Variants in SGCZ observed in about 807,000 individuals in gnomAD.
SGCZ encodes the protein zeta-sarcoglycan.
A neutral mutation model predicts 41.3 loss-of-function variants in SGCZ; 40 were observed. The observed-to-expected ratio is 0.97, with a 90% CI of 0.75 to 1.26. The LOEUF is 1.26. Among genes scored for constraint, SGCZ ranks in the 50% most tolerant of loss-of-function variants. SGCZ has a pLI of 0.00. For synonymous variants in SGCZ, 206 were observed against 137.5 expected (o/e 1.50, Z -3.49); for missense variants, 552 against 369.8 (o/e 1.49, Z -4.04).
In SGCZ at chr8:15,175,257, A is replaced by C. The variant is rs192678193; in HGVS notation, c.39+62328T>G. Among the ~76,000 whole-genome samples, 130 of 152,318 alleles carry C rather than the reference A, an allele frequency of 8.5e-4. 2 individuals are homozygous for C. Among genetic ancestry groups the C allele is most frequent in the Admixed American group, 1.2e-3 (18 of 15,298 alleles). On this transcript the variant is annotated intron_variant, in intron 1 of 7. Transcript: ENST00000382080. ...TTGTGTTCACTGCAGCACTATTCACAATAGCAAAAACATGGAATCAACCCA... is the reference window on the plus strand; with the variant it reads ...TTGTGTTCACTGCAGCACTATTCACCATAGCAAAAACATGGAATCAACCCA...
intron 2 of SGCZ, among the ~76,000 whole-genome samples, chr8:14,492,384 T>C (rs1801865854): frequency 6.6e-6 from 1 of 152,182 alleles, no homozygotes; most frequent in Non-Finnish European, 1.5e-5. Context: ...AGTTAATTAC[T>C]GCACAGTGCT....
At chr8:14,411,341 G>C (rs750971136) in intron 2 of SGCZ, among the ~76,000 whole-genome samples, 19 of 152,196 alleles carry the variant, frequency 1.2e-4, no homozygotes, top group East Asian at 1.9e-4. Context: ...ATTGTTTTTA[G>C]TCATCAGATA....
chr8:14,602,291 A>G (rs1200534426), intron 1 of SGCZ, among the ~76,000 whole-genome samples: 3 of 152,088 alleles, frequency 2.0e-5, no homozygotes, highest in African/African-American at 7.2e-5. Flanking sequence ...TAGGAATTTG[A>G]GTTGTATTTA....
chr8:14,815,681 C>A (rs1479613515), intron 1 of SGCZ, among the ~76,000 whole-genome samples: 1 of 152,142 alleles, frequency 6.6e-6, no homozygotes, highest in Non-Finnish European at 1.5e-5. Context: ...GCAGTGTGAA[C>A]AACTATTCCA....
chr8:14,958,653 T>C (rs1200647804), intron 1 of SGCZ, among the ~76,000 whole-genome samples: 3 of 152,090 alleles, frequency 2.0e-5, no homozygotes, highest in Non-Finnish European at 2.9e-5. Context: ...ACTAGTTGTG[T>C]GCATTTGCAC....
At position 14,997,707 on chromosome 8, in the gene SGCZ, C is replaced by T. The variant is rs372845201; in HGVS notation, c.39+239878G>A. On this transcript the variant is annotated intron_variant, in intron 1 of 7. Coordinates refer to ENST00000382080, the MANE Select transcript of SGCZ (RefSeq NM_139167.4). ...GGGTGCAGTGGCTCACACCCATAAT[C>T]CCAGCACTTTTGGAGGCCAAGGCAG... 1.1e-4 allele frequency among the ~76,000 whole-genome samples: 16 copies of T among 152,282 alleles called. No homozygotes were observed. The South Asian group carries it at 3.3e-3, about 32-fold the overall frequency.
At chr8:14,724,579 T>A (rs756417669) in intron 1 of SGCZ, among the ~76,000 whole-genome samples, 31 of 151,854 alleles carry the variant, frequency 2.0e-4, no homozygotes, top group Non-Finnish European at 3.5e-4. Context: ...TTGAAATTCA[T>A]TTGTATTATT....
In SGCZ at chr8:14,619,027, C is replaced by A. The variant is rs555353717; in HGVS notation, c.40-64101G>T. 2.6e-5 allele frequency among the ~76,000 whole-genome samples: 4 copies of A among 152,158 alleles called. No homozygotes were observed. In the South Asian group the frequency reaches 8.3e-4, roughly 32 times the overall value. On this transcript the variant is annotated intron_variant, in intron 1 of 7. Coordinates refer to ENST00000382080, the MANE Select transcript of SGCZ (RefSeq NM_139167.4). Reference sequence around the variant, plus strand: ...CACATGAACCTGGAGATCAACAGGGCAATATGTTGGTATACTCTATATATT... The same window carrying A: ...CACATGAACCTGGAGATCAACAGGGAAATATGTTGGTATACTCTATATATT...
At chr8:14,968,843 T>A (rs1286237264) in intron 1 of SGCZ, among the ~76,000 whole-genome samples, 1 of 152,156 alleles carries the variant, frequency 6.6e-6, no homozygotes, top group Non-Finnish European at 1.5e-5. Flanking sequence ...CCAAGGCTTT[T>A]ACATTTTATG....
chr8:14,851,202 T>C (rs1803309052), intron 1 of SGCZ, among the ~76,000 whole-genome samples: 1 of 151,494 alleles, frequency 6.6e-6, no homozygotes, highest in South Asian at 2.1e-4. Context: ...ACGCTGTCTT[T>C]ACTAAAAATA....
At chr8:14,691,447 C>A (rs941760827) in intron 1 of SGCZ, among the ~76,000 whole-genome samples, 1 of 151,930 alleles carries the variant, frequency 6.6e-6, no homozygotes, top group Admixed American at 6.6e-5. Context: ...GATGACCTAG[C>A]GTGGGTATTT....
chr8:14,412,704 A>C (rs1161227824), intron 2 of SGCZ, among the ~76,000 whole-genome samples: 1 of 152,032 alleles, frequency 6.6e-6, no homozygotes, highest in Admixed American at 6.6e-5. Flanking sequence ...ATCTCTCACA[A>C]GGGCTAATGT....
intron 1 of SGCZ, among the ~76,000 whole-genome samples, chr8:14,744,532 T>C (rs988463939): frequency 6.6e-6 from 1 of 152,116 alleles, no homozygotes; most frequent in Non-Finnish European, 1.5e-5. Context: ...TGAATTTATT[T>C]AGAAATAAAA....
At chr8:14,541,591 T>C (rs1803470443) in intron 2 of SGCZ, among the ~76,000 whole-genome samples, 1 of 151,946 alleles carries the variant, frequency 6.6e-6, no homozygotes, top group Non-Finnish European at 1.5e-5. Flanking sequence ...GTAATAAACA[T>C]ATGTGTACAT....
Position 14,129,867 on chromosome 8 carries a change from T to C in SGCZ, c.548-21632A>G, listed in dbSNP as rs548188826. The stretch of plus-strand genomic sequence containing the variant: ...CAGAAGTAACTGGAAACACATAACA[T>C]GTCCATAGGTAAGAAGATTTAATAT... On this transcript the variant is annotated intron_variant, in intron 5 of 7. Coordinates refer to ENST00000382080, the MANE Select transcript of SGCZ (RefSeq NM_139167.4). Among the ~76,000 whole-genome samples, 37 of 152,266 alleles carry C rather than the reference T, an allele frequency of 2.4e-4. No homozygotes were observed. In the East Asian group the frequency reaches 6.8e-3, roughly 28 times the overall value.
In SGCZ at chr8:14,376,317, A is replaced by G. The variant is rs547848791; in HGVS notation, c.235-52113T>C. Among the ~76,000 whole-genome samples the G allele has an allele frequency of 3.3e-4, 50 of 151,646 alleles. 1 individual carries two copies. The highest frequency in any genetic ancestry group is 3.2e-3 in the Admixed American group (48 of 15,232). On this transcript the variant is annotated intron_variant, in intron 2 of 7. Transcript: ENST00000382080. Reference sequence around the variant, plus strand: ...CAGAGCGGGACTCAATCTCAAAAAAATAAAATAAAATAAAAAATAAAATAA... The same window carrying G: ...CAGAGCGGGACTCAATCTCAAAAAAGTAAAATAAAATAAAAAATAAAATAA...
chr8:14,884,140 T>A (rs1045793513), intron 1 of SGCZ, among the ~76,000 whole-genome samples: 2 of 152,114 alleles, frequency 1.3e-5, no homozygotes, highest in African/African-American at 4.8e-5. Context: ...ATTTGAAGCA[T>A]CAGATTGAAT....
At chr8:14,731,735 C>A (rs1333270697) in intron 1 of SGCZ, among the ~76,000 whole-genome samples, 1 of 151,928 alleles carries the variant, frequency 6.6e-6, no homozygotes, top group Non-Finnish European at 1.5e-5. Flanking sequence ...AATTTTTGTT[C>A]ATTTCTGGGT....
chr8:14,727,710 C>T (rs1563229512), intron 1 of SGCZ, among the ~76,000 whole-genome samples: 1 of 151,966 alleles, frequency 6.6e-6, no homozygotes, highest in Non-Finnish European at 1.5e-5. Context: ...GACGGGGTTG[C>T]ACCGTGTCAG....
Sources: gnomAD v4.1 joint callset for allele counts (sites outside exome capture counted in the v4.1 genomes callset) on GRCh38, gnomAD v4.1.1 for gene constraint, MANE v1.5 for transcripts, NCBI Gene and HGNC (gene_info 2026-07-23, HGNC 2026-07-21) for gene names.